CALN1: variants seen among roughly 807,000 people sequenced by gnomAD.
CALN1 encodes the protein calneuron 1.
CALN1 carries 17 observed loss-of-function variants against 30.6 expected under a neutral mutation model. The ratio of observed to expected loss-of-function variants is 0.56; its 90% CI spans 0.38 to 0.83. The LOEUF is 0.83. CALN1 is among the 40% of genes least tolerant of loss of function. The probability of loss-of-function intolerance (pLI) is 0.00; values close to 1 mark genes in which losing one functional copy is unlikely to be tolerated. For missense variants in CALN1, 291 were observed against 354.9 expected (o/e 0.82, Z 1.45); for synonymous variants, 156 against 131.4 (o/e 1.19, Z -1.28).
At chr7:72,344,759 G>A (rs991606596) in intron 2 of CALN1, among the ~76,000 whole-genome samples, 8 of 144,906 alleles carry the variant, frequency 5.5e-5, no homozygotes, top group African/African-American at 1.5e-4. Context: ...ATGGCTTTTT[G>A]CTTTTTCGAA....
chr7:72,009,823 G>A (rs1343082810), intron 5 of CALN1, among the ~76,000 whole-genome samples: 1 of 152,068 alleles, frequency 6.6e-6, no homozygotes, highest in Non-Finnish European at 1.5e-5. Context: ...TGCCATGATT[G>A]TGAGGCCTCC....
chr7:71,967,197 C>A (rs1239419562), intron 5 of CALN1, among the ~76,000 whole-genome samples: 1 of 152,006 alleles, frequency 6.6e-6, no homozygotes, highest in African/African-American at 2.4e-5. Flanking sequence ...AGATAAGATG[C>A]ATAAAGCATG....
chr7:72,245,292 C>A (rs765499438), intron 3 of CALN1, among the ~76,000 whole-genome samples: 2 of 152,158 alleles, frequency 1.3e-5, no homozygotes, highest in Non-Finnish European at 2.9e-5. Flanking sequence ...TGCAACCCTA[C>A]GTGCAGTACT....
At chr7:72,318,483 T>C (rs1800640282) in intron 2 of CALN1, among the ~76,000 whole-genome samples, 1 of 152,182 alleles carries the variant, frequency 6.6e-6, no homozygotes, top group Non-Finnish European at 1.5e-5. Flanking sequence ...CCAGGAGTTA[T>C]GATGACAGAG....
chr7:72,398,926 G>A (rs1020951341), intron 2 of CALN1, among the ~76,000 whole-genome samples: 2 of 152,202 alleles, frequency 1.3e-5, no homozygotes, highest in African/African-American at 2.4e-5. Flanking sequence ...AATTGAGGGA[G>A]GTACCCACTG....
intron 3 of CALN1, among the ~76,000 whole-genome samples, chr7:72,141,613 G>C (rs1809946381): frequency 6.6e-6 from 1 of 151,840 alleles, no homozygotes; most frequent in African/African-American, 2.4e-5. Flanking sequence ...TTGTCAATCA[G>C]GTAGGAATGC....
intron 3 of CALN1, among the ~76,000 whole-genome samples, chr7:72,202,507 T>G (rs906424634): frequency 6.6e-6 from 1 of 152,202 alleles, no homozygotes; most frequent in Non-Finnish European, 1.5e-5. Flanking sequence ...TGGAAAACTT[T>G]AAACCATTGC....
intron 5 of CALN1, among the ~76,000 whole-genome samples, chr7:71,846,283 G>A (rs760883798): frequency 5.3e-5 from 8 of 152,140 alleles, no homozygotes; most frequent in Non-Finnish European, 8.8e-5. Context: ...AATTGTTGCC[G>A]TTCTGATTCT....
At chr7:72,418,372 G>A in intron 1 of CALN1, among the ~76,000 whole-genome samples, 1 of 152,148 alleles carries the variant, frequency 6.6e-6, no homozygotes, top group East Asian at 1.9e-4. Context: ...CACGAATGAT[G>A]GGCACCTACG....
the CALN1 span, among the ~76,000 whole-genome samples, chr7:72,475,696 T>C: frequency 7.9e-5 from 12 of 152,166 alleles, no homozygotes; most frequent in Admixed American, 5.9e-4. Flanking sequence ...TCTGAAAATT[T>C]AGACAAGCTT....
At chr7:72,422,266 A>G (rs1028099491) in intron 1 of CALN1, among the ~76,000 whole-genome samples, 3 of 152,130 alleles carry the variant, frequency 2.0e-5, no homozygotes, top group Non-Finnish European at 2.9e-5. Context: ...GAAGTGTTTC[A>G]TTTTCACCAC....
At chr7:72,313,304 G>A (rs956644225) in intron 2 of CALN1, among the ~76,000 whole-genome samples, 21 of 151,974 alleles carry the variant, frequency 1.4e-4, no homozygotes, top group Non-Finnish European at 7.4e-5. Flanking sequence ...AAGCATTATT[G>A]GGAAAATCGA....
At chr7:72,334,722 G>C (rs1205937426) in intron 2 of CALN1, among the ~76,000 whole-genome samples, 1 of 152,212 alleles carries the variant, frequency 6.6e-6, no homozygotes, top group Non-Finnish European at 1.5e-5. Context: ...AATTCTAAGA[G>C]GATTTAGCTC....
At chr7:71,817,662 C>G (rs997406736) in intron 5 of CALN1, among the ~76,000 whole-genome samples, 2 of 151,884 alleles carry the variant, frequency 1.3e-5, no homozygotes, top group African/African-American at 4.8e-5. Context: ...ATTACAGGCG[C>G]CCACCACCAT....
intron 4 of CALN1, among the ~76,000 whole-genome samples, chr7:72,039,394 A>G (rs1342219219): frequency 6.6e-6 from 1 of 152,186 alleles, no homozygotes; most frequent in East Asian, 1.9e-4. Flanking sequence ...TCCCTGTCTC[A>G]TATCTTTCCC....
At chr7:72,031,637 A>C (rs966118141) in intron 4 of CALN1, among the ~76,000 whole-genome samples, 1 of 152,006 alleles carries the variant, frequency 6.6e-6, no homozygotes, top group African/African-American at 2.4e-5. Context: ...GTGCAATCAT[A>C]GCTCACTGCA....
At chr7:72,057,329 T>G (rs965519742) in intron 4 of CALN1, among the ~76,000 whole-genome samples, 2 of 151,982 alleles carry the variant, frequency 1.3e-5, no homozygotes, top group Admixed American at 1.3e-4. Context: ...GCATAGACTT[T>G]CTGGATACTA....
intron 2 of CALN1, among the ~76,000 whole-genome samples, chr7:72,299,025 T>C (rs541475986): frequency 6.6e-6 from 1 of 152,208 alleles, no homozygotes; most frequent in Admixed American, 6.5e-5. Context: ...AATGAACTAA[T>C]ACAATCCCCC....
At chr7:71,971,649 C>G (rs2129526330) in intron 5 of CALN1, among the ~76,000 whole-genome samples, 1 of 151,734 alleles carries the variant, frequency 6.6e-6, no homozygotes, top group East Asian at 2.0e-4. Context: ...TGTAATCTCA[C>G]CGTTTTGAGA....
Sources: allele counts gnomAD v4.1 joint callset (sites outside exome capture counted in the v4.1 genomes callset), GRCh38; gene constraint gnomAD v4.1.1; transcripts MANE v1.5; gene names NCBI Gene and HGNC (gene_info 2026-07-23, HGNC 2026-07-21).